TGFB3: variants seen among roughly 807,000 people sequenced by gnomAD.
TGFB3 encodes transforming growth factor beta 3.
TGFB3 carries 5 observed loss-of-function variants against 40.1 expected under a neutral mutation model. That is an observed-to-expected ratio of 0.12 (90% CI 0.07 to 0.26). The LOEUF (loss-of-function observed/expected upper bound fraction) is 0.26. Among genes scored for constraint, TGFB3 ranks in the 10% least tolerant of loss-of-function variants. The probability of loss-of-function intolerance (pLI) is 1.00; values close to 1 mark genes in which losing one functional copy is unlikely to be tolerated. For synonymous variants in TGFB3, 184 were observed against 205.6 expected (o/e 0.89, Z 0.90); for missense variants, 373 against 530.1 (o/e 0.70, Z 2.91).
rs948673606 is a variant in TGFB3, at chr14:75,971,403, G to A, written c.517-148C>T. ...CGAGCACCTTAGCTAACTCTTAAGTGTTTTAATGACAGACACAGATACGGA... is the reference window on the plus strand; with the variant it reads ...CGAGCACCTTAGCTAACTCTTAAGTATTTTAATGACAGACACAGATACGGA... On this transcript the variant is annotated intron_variant, in intron 2 of 6. Transcript: ENST00000238682. The surrounding 1 kb of genome is among the most constrained non-coding windows in gnomAD (Gnocchi z 4.5). The A allele has an allele frequency of 1.3e-6, 2 of 1,517,996 alleles. No individual in the cohort carries two copies. The highest frequency in any genetic ancestry group is 1.8e-6 in the Non-Finnish European group (2 of 1,113,096). 94.0% of individuals were successfully genotyped at this position (1,517,996 alleles called of 1,614,324 possible).
chr14:75,967,278 G>A (rs2035231401), intron 3 of TGFB3, among the ~76,000 whole-genome samples: 1 of 152,212 alleles, frequency 6.6e-6, no homozygotes, highest in East Asian at 1.9e-4. Context: ...GGCAACCTCT[G>A]AGGCACACTG....
rs201059075 is a variant in TGFB3 at position 75,980,701 on chromosome 14, C to T, written c.193G>A (p.Val65Ile). 232 of 1,614,056 alleles carry T rather than the reference C, an allele frequency of 1.4e-4. 1 individual carries two copies. Among genetic ancestry groups the T allele is most frequent in the Non-Finnish European group, 2.5e-5 (30 of 1,180,032 alleles). Residue 65 changes from valine to isoleucine, a missense_variant, in exon 1 of 7, where the codon GTC (valine) becomes ATC (isoleucine). Val to Ile is a conservative substitution (Grantham distance 29, BLOSUM62 3). Coordinates refer to ENST00000238682, the MANE Select transcript of TGFB3 (RefSeq NM_003239.5). This position sits in a 1 kb window ranked among gnomAD's most constrained non-coding sequence, Gnocchi z 4.3. Reference sequence around the variant, plus strand: ...TAAAGGGCCAGGACCTGATAGGGGACGTGGGTCATCACCGTTGGCTCAGGG... The same window carrying T: ...TAAAGGGCCAGGACCTGATAGGGGATGTGGGTCATCACCGTTGGCTCAGGG... ...SPPEPTVMTH[V>I]PYQVLALYNS...
Position 75,959,124 on chromosome 14 carries a change from C to T in TGFB3, c.*63G>A, listed in dbSNP as rs2035121281. ...GTGAGGTTTGTTGCTTGTGTGTTTC[C>T]CGAGGAGCGGGCAGTCAGGCAGTGG... On this transcript the variant is annotated 3_prime_UTR_variant, in exon 7 of 7. Transcript: ENST00000238682. 1 of 1,609,784 alleles carries T rather than the reference C, an allele frequency of 6.2e-7. No homozygotes were observed. The highest frequency in any genetic ancestry group is 8.5e-7 in the Non-Finnish European group (1 of 1,176,622).
intron 3 of TGFB3, 65 bp from the exon 4 acceptor site, chr14:75,965,760 C>A: frequency 7.4e-7 from 1 of 1,355,398 alleles, no homozygotes; most frequent in Non-Finnish European, 1.1e-6. Flanking sequence ...TGCCCACCAC[C>A]CATGCAAGGG....
rs2035294675 is a variant in TGFB3 at position 75,971,645 on chromosome 14, A to AT, written c.425dup (p.Asn142LysfsTer2). 6.2e-7 allele frequency: 1 copy of AT among 1,614,028 alleles called. No homozygotes were observed. Among genetic ancestry groups the AT allele is most frequent in the Non-Finnish European group, 8.5e-7 (1 of 1,180,034 alleles). On this transcript the variant is annotated frameshift_variant, in exon 2 of 7. Coordinates refer to ENST00000238682, the MANE Select transcript of TGFB3 (RefSeq NM_003239.5). LOFTEE classifies it high-confidence loss of function. The surrounding 1 kb of genome is among the most constrained non-coding windows in gnomAD (Gnocchi z 4.5). The stretch of plus-strand genomic sequence containing the variant: ...ATTCTGCTCGGAATAGGTTGGTTCT[A>AT]TTTTTCTCCACTGAGGACACATTGA...
Position 75,978,725 on chromosome 14 carries a change from T to G in TGFB3, c.352+1817A>C, listed in dbSNP as rs940209255. 3.9e-5 allele frequency among the ~76,000 whole-genome samples: 6 copies of G among 152,242 alleles called. No individual in the cohort carries two copies. Among genetic ancestry groups the G allele is most frequent in the African/African-American group, 1.4e-4 (6 of 41,462 alleles). The stretch of plus-strand genomic sequence containing the variant: ...TTTTCCCAAGGACATCTGCTATTTG[T>G]GCTTTGAGTCTGCACAAAATCAGTG... On this transcript the variant is annotated intron_variant, in intron 1 of 6. Transcript: ENST00000238682. The surrounding 1 kb of genome is among the most constrained non-coding windows in gnomAD (Gnocchi z 5.0).
Position 75,981,947 on chromosome 14 carries a change from G to GCTCCTCTCC in TGFB3, c.-1063_-1055dup, listed in dbSNP as rs1292013505. Among the ~76,000 whole-genome samples the GCTCCTCTCC allele has an allele frequency of 6.8e-6, 1 of 146,754 alleles. No homozygotes were observed. The highest frequency in any genetic ancestry group is 2.5e-5 in the African/African-American group (1 of 39,592). Reference sequence around the variant, plus strand: ...CTCTCTCCCTCTCCCTCTCCCTCTCGCTCCTCTCCCTCTCTCTCTCACACA... The same window carrying GCTCCTCTCC: ...CTCTCTCCCTCTCCCTCTCCCTCTCGCTCCTCTCCCTCCTCTCCCTCTCTCTCTCACACA... On this transcript the variant is annotated 5_prime_UTR_variant, in exon 1 of 7. Coordinates refer to ENST00000238682, the MANE Select transcript of TGFB3 (RefSeq NM_003239.5). This position sits in a 1 kb window ranked among gnomAD's most constrained non-coding sequence, Gnocchi z 4.7.
chr14:75,978,694 C>A lies in TGFB3; in HGVS notation c.352+1848G>T, dbSNP rs1332529620. Among the ~76,000 whole-genome samples the A allele has an allele frequency of 6.6e-6, 1 of 152,240 alleles. No individual in the cohort carries two copies. Among genetic ancestry groups the A allele is most frequent in the African/African-American group, 2.4e-5 (1 of 41,464 alleles). ...CTGCCCAGCATCTATGGGGCCCTGC[C>A]CGGGCTTTTCCCAAGGACATCTGCT... On this transcript the variant is annotated intron_variant, in intron 1 of 6. Coordinates refer to ENST00000238682, the MANE Select transcript of TGFB3 (RefSeq NM_003239.5). This position sits in a 1 kb window ranked among gnomAD's most constrained non-coding sequence, Gnocchi z 5.0.
chr14:75,979,696 T>TC lies in TGFB3; in HGVS notation c.352+845dup, dbSNP rs749407585. On this transcript the variant is annotated intron_variant, in intron 1 of 6. Coordinates refer to ENST00000238682, the MANE Select transcript of TGFB3 (RefSeq NM_003239.5). The surrounding 1 kb of genome is among the most constrained non-coding windows in gnomAD (Gnocchi z 4.8). ...CTGGGACGGCAGGCTCCCAGACATA[T>TC]CCCCCCCCCCCACCATGCACCCACT... Among the ~76,000 whole-genome samples, 6,371 of 113,042 alleles carry TC rather than the reference T, an allele frequency of 0.056. 216 individuals carry two copies. The highest frequency in any genetic ancestry group is 0.16 in the Middle Eastern group (36 of 224). The allele number at this position is 113,042 out of a possible 152,430, so 74.2% of individuals were successfully genotyped here. A position where few individuals can be genotyped will look rare whatever the true frequency, so the allele number is the denominator to read the frequency against.
At position 75,966,177 on chromosome 14, in the gene TGFB3, C is replaced by T. The variant is rs116781014; in HGVS notation, c.647-482G>A. 526 of 194,206 alleles carry T rather than the reference C, an allele frequency of 2.7e-3. 5 individuals carry two copies. The highest frequency in any genetic ancestry group is 0.011 in the African/African-American group (482 of 42,802). 12.0% of individuals were successfully genotyped at this position (194,206 alleles called of 1,614,324 possible). A position where few individuals can be genotyped will look rare whatever the true frequency, so the allele number is the denominator to read the frequency against. ...GGACAGGGAGTAACTAAAGAGTCTC[C>T]GAGCACAGAGACTGTGATTCAAAAG... On this transcript the variant is annotated intron_variant, in intron 3 of 6. Coordinates refer to ENST00000238682, the MANE Select transcript of TGFB3 (RefSeq NM_003239.5).
At chr14:75,959,517 C>T (rs1032680484) in intron 6 of TGFB3, among the ~76,000 whole-genome samples, 172 bp from the exon 7 acceptor site, 3 of 152,114 alleles carry the variant, frequency 2.0e-5, no homozygotes, top group Non-Finnish European at 4.4e-5. Context: ...CAGCTGTAGT[C>T]CCAGGACTTG....
At position 75,975,315 on chromosome 14, in the gene TGFB3, C is replaced by G. The variant is rs1021574902; in HGVS notation, c.353-3597G>C. Among the ~76,000 whole-genome samples, 4 of 152,010 alleles carry G rather than the reference C, an allele frequency of 2.6e-5. No homozygotes were observed. The East Asian group carries it at 5.8e-4, about 22-fold the overall frequency. ...CCCAGAAGGCAGAAGCTACAGTGAG[C>G]CGAGATTGCACCAGTGCACTCCAGG... On this transcript the variant is annotated intron_variant, in intron 1 of 6. Coordinates refer to ENST00000238682, the MANE Select transcript of TGFB3 (RefSeq NM_003239.5).
chr14:75,976,809 C>A (rs1264800262), intron 1 of TGFB3, among the ~76,000 whole-genome samples: 1 of 152,192 alleles, frequency 6.6e-6, no homozygotes, highest in Non-Finnish European at 1.5e-5. Context: ...TCTTCCAGAT[C>A]ATTTGCATTT....
chr14:75,961,927 G>T (rs774351903), intron 5 of TGFB3, among the ~76,000 whole-genome samples: 3 of 152,186 alleles, frequency 2.0e-5, no homozygotes, highest in African/African-American at 4.8e-5. Flanking sequence ...ACAAGGAGAA[G>T]TATGCAGGGG....
Position 75,963,402 on chromosome 14 carries a change from G to A in TGFB3, c.840C>T (p.Leu280=), listed in dbSNP as rs746293134. The change falls in exon 5 of 7, where the codon CTC becomes CTT. Residue 280 remains leucine, a synonymous_variant. Transcript: ENST00000238682. ...QKDHHNPHLI[L]MMIPPHRLDN... Reference sequence around the variant, plus strand: ...CGAGCCGGTGTGGGGGAATCATCATGAGGATTAGATGAGGGTTGTGGTGAT... The same window carrying A: ...CGAGCCGGTGTGGGGGAATCATCATAAGGATTAGATGAGGGTTGTGGTGAT... 6 of 1,614,050 alleles carry A rather than the reference G, an allele frequency of 3.7e-6. No individual in the cohort carries two copies. The Admixed American group carries it at 8.3e-5, about 22-fold the overall frequency.
At chr14:75,982,136 C>T (rs1355137255), upstream of TGFB3, among the ~76,000 whole-genome samples, 1 of 152,242 alleles carries the variant, frequency 6.6e-6, no homozygotes, top group Non-Finnish European at 1.5e-5. The surrounding 1 kb of genome is among the most constrained non-coding windows in gnomAD (Gnocchi z 4.0). Context: ...AAAAGCCGAG[C>T]CCTTTTGAAA....
chr14:75,959,380 C>T (rs1595336773), intron 6 of TGFB3, 35 bp from the exon 7 acceptor site: 2 of 1,613,034 alleles, frequency 1.2e-6, no homozygotes, highest in Non-Finnish European at 1.7e-6. Flanking sequence ...GGTTGGAAGG[C>T]CAAGTCTCAG....
At chr14:75,964,169 C>T (rs1239632970) in intron 4 of TGFB3, among the ~76,000 whole-genome samples, 51 of 152,174 alleles carry the variant, frequency 3.4e-4, no homozygotes, top group Non-Finnish European at 1.5e-5. Context: ...AGCCACTGCA[C>T]CCAGCCCTGG....
At position 75,965,544 on chromosome 14, in the gene TGFB3, T is replaced by TC. The variant is rs34756930; in HGVS notation, c.754+43dup. Reference sequence around the variant, plus strand: ...CCTGCACTATCCTGTCCCATTAACTTCCCCCCCACTCACCCATCCTACCAT... The same window carrying TC: ...CCTGCACTATCCTGTCCCATTAACTTCCCCCCCCACTCACCCATCCTACCAT... On this transcript the variant is annotated intron_variant, in intron 4 of 6. Transcript: ENST00000238682. 4.2e-4 allele frequency: 639 copies of TC among 1,522,014 alleles called. 1 individual carries two copies. Among genetic ancestry groups the TC allele is most frequent in the East Asian group, 5.4e-4 (24 of 44,468 alleles). 94.3% of individuals were successfully genotyped at this position (1,522,014 alleles called of 1,614,324 possible). A position where few individuals can be genotyped will look rare whatever the true frequency, so the allele number is the denominator to read the frequency against.
Sources: allele counts gnomAD v4.1 joint callset (sites outside exome capture counted in the v4.1 genomes callset), GRCh38; gene constraint gnomAD v4.1.1; non-coding constraint Gnocchi (gnomAD v3.1); transcripts MANE v1.5; gene names NCBI Gene and HGNC (gene_info 2026-07-23, HGNC 2026-07-21).